The following FBXW11 variants were observed in gnomAD, a reference collection of about 807,000 sequenced individuals.
FBXW11 encodes the protein F-box and WD repeat domain containing 11.
Under a neutral mutation model 77.6 loss-of-function variants are expected in FBXW11, and 19 were observed. The ratio of observed to expected loss-of-function variants is 0.24; its 90% CI spans 0.17 to 0.36. FBXW11 has a LOEUF of 0.36. Ranked by LOEUF, FBXW11 falls within the 10% of genes least tolerant of loss-of-function variation. FBXW11 has a pLI of 1.00. For missense variants in FBXW11, 334 were observed against 704.2 expected, an observed-to-expected ratio of 0.47 and a Z score of 5.95; for synonymous variants, 235 against 249.4, an observed-to-expected ratio of 0.94 and a Z score of 0.54.
intron 1 of FBXW11, among the ~76,000 whole-genome samples, chr5:171,985,052 C>A (rs1765361129): frequency 6.6e-6 from 1 of 152,184 alleles, no homozygotes; most frequent in Non-Finnish European, 1.5e-5. Flanking sequence ...TACAAACACA[C>A]ATATACGCAC....
chr5:171,881,993 T>G (rs1225899928), intron 7 of FBXW11, among the ~76,000 whole-genome samples: 1 of 152,174 alleles, frequency 6.6e-6, no homozygotes, highest in Non-Finnish European at 1.5e-5. Flanking sequence ...AATTATCAAT[T>G]TTACTCATCT....
intron 2 of FBXW11, among the ~76,000 whole-genome samples, chr5:171,949,020 T>C (rs773439667): frequency 6.6e-6 from 1 of 152,250 alleles, no homozygotes; most frequent in Non-Finnish European, 1.5e-5. Context: ...CTTCAAATTC[T>C]CAGATCACCA....
At chr5:171,972,044 C>A (rs1304352526) in intron 1 of FBXW11, among the ~76,000 whole-genome samples, 1 of 150,184 alleles carries the variant, frequency 6.7e-6, no homozygotes, top group Non-Finnish European at 1.5e-5. Flanking sequence ...CCAGCCTGGG[C>A]AACACGGTGA....
intron 2 of FBXW11, 107 bp from the exon 3 acceptor site, chr5:171,914,512 C>G (rs1761104893): frequency 1.1e-6 from 1 of 905,026 alleles, no homozygotes; most frequent in East Asian, 3.1e-5. Context: ...CAATACAAAC[C>G]CAAGAACTAT....
chr5:171,965,798 T>G, intron 1 of FBXW11, among the ~76,000 whole-genome samples: 1 of 152,112 alleles, frequency 6.6e-6, no homozygotes, highest in African/African-American at 2.4e-5. Context: ...TCACAACATA[T>G]TCATGTAGTT....
rs537596775 is a variant in FBXW11 at position 171,943,990 on chromosome 5, A to T, written c.147+13607T>A. ...TATATGATGTATCTCCTGGAAATAT[A>T]TCCTAGCTAATTCAAAATGAAGCCA... On this transcript the variant is annotated intron_variant, in intron 2 of 13. Coordinates refer to ENST00000517395, the MANE Select transcript of FBXW11 (RefSeq NM_001378974.1). 2.6e-5 allele frequency among the ~76,000 whole-genome samples: 4 copies of T among 152,354 alleles called. No homozygotes were observed. In the South Asian group the frequency reaches 6.2e-4, roughly 24 times the overall value.
chr5:171,891,665 A>G, intron 6 of FBXW11, 61 bp from the exon 7 acceptor site: 1 of 1,542,324 alleles, frequency 6.5e-7, no homozygotes, highest in Non-Finnish European at 8.7e-7. Context: ...ATTAGGTTTC[A>G]GACTTTGGCG....
chr5:171,960,083 G>C (rs1258497472), intron 1 of FBXW11, among the ~76,000 whole-genome samples: 1 of 152,030 alleles, frequency 6.6e-6, no homozygotes, highest in African/African-American at 2.4e-5. Flanking sequence ...GAGAGTTTAA[G>C]GACTACACCT....
chr5:172,000,248 T>G lies in FBXW11; in HGVS notation c.45+6210A>C, dbSNP rs533402143. On this transcript the variant is annotated intron_variant, in intron 1 of 13. Coordinates refer to ENST00000517395, the MANE Select transcript of FBXW11 (RefSeq NM_001378974.1). ...CCATCAGCTTTGATGATGGTAAGAATAAGAATTCAAAAACCACAATTTGGT... is the reference window on the plus strand; with the variant it reads ...CCATCAGCTTTGATGATGGTAAGAAGAAGAATTCAAAAACCACAATTTGGT... Among the ~76,000 whole-genome samples, 14 of 152,322 alleles carry G rather than the reference T, an allele frequency of 9.2e-5. No individual in the cohort carries two copies. The East Asian group carries it at 2.7e-3, about 29-fold the overall frequency.
At chr5:171,916,881 T>A (rs745642015) in intron 2 of FBXW11, among the ~76,000 whole-genome samples, 1 of 152,106 alleles carries the variant, frequency 6.6e-6, no homozygotes, top group Non-Finnish European at 1.5e-5. Context: ...GGGATGTATA[T>A]ATGGTTTTGT....
chr5:171,910,751 G>A lies in FBXW11; in HGVS notation c.257C>T (p.Ser86Leu). 6.2e-7 allele frequency: 1 copy of A among 1,612,420 alleles called. No homozygotes were observed. The highest frequency in any genetic ancestry group is 8.5e-7 in the Non-Finnish European group (1 of 1,179,346). Residue 86 changes from serine to leucine, a missense_variant, in exon 4 of 14, where the codon TCA (serine) becomes TTA (leucine). Physicochemically the swap from Ser to Leu is moderately radical, Grantham distance 145. Coordinates refer to ENST00000517395, the MANE Select transcript of FBXW11 (RefSeq NM_001378974.1). ...SSVIVSRKRP[S>L]EGNYQKEKDL... The stretch of plus-strand genomic sequence containing the variant: ...TTTTTCTTTTTGATAGTTTCCTTCT[G>A]ATGGCCTCTTTCTGGAGACGATCAC...
chr5:172,003,582 C>T (rs372296412), intron 1 of FBXW11, among the ~76,000 whole-genome samples: 1 of 152,288 alleles, frequency 6.6e-6, no homozygotes, highest in South Asian at 2.1e-4. Flanking sequence ...CCATTAGTAA[C>T]TGTAAATTCA....
At chr5:171,940,951 C>T (rs1038049507) in intron 2 of FBXW11, among the ~76,000 whole-genome samples, 3 of 150,708 alleles carry the variant, frequency 2.0e-5, no homozygotes, top group Admixed American at 2.0e-4. Flanking sequence ...AACACTCTGA[C>T]CATCGAAATA....
At chr5:171,951,287 C>A (rs1445479504) in intron 2 of FBXW11, among the ~76,000 whole-genome samples, 1 of 151,940 alleles carries the variant, frequency 6.6e-6, no homozygotes, top group East Asian at 1.9e-4. Context: ...GTAATCCCAA[C>A]ACTTTTGGGA....
intron 9 of FBXW11, among the ~76,000 whole-genome samples, chr5:171,874,551 T>C (rs1757950789): frequency 6.6e-6 from 1 of 152,158 alleles, no homozygotes; most frequent in South Asian, 2.1e-4. Context: ...AGCCTGATGC[T>C]ACACACTTCG....
At chr5:171,936,228 C>A (rs1762476496) in intron 2 of FBXW11, among the ~76,000 whole-genome samples, 1 of 151,734 alleles carries the variant, frequency 6.6e-6, no homozygotes, top group African/African-American at 2.4e-5. Context: ...TGCAGTAGCT[C>A]ATGCCTGTAA....
intron 2 of FBXW11, among the ~76,000 whole-genome samples, chr5:171,937,764 G>T (rs1762550299): frequency 6.6e-6 from 1 of 150,554 alleles, no homozygotes; most frequent in African/African-American, 2.5e-5. Flanking sequence ...GGAGGTTGAA[G>T]CTGCAGTGAA....
chr5:171,972,041 G>C (rs1764560168), intron 1 of FBXW11, among the ~76,000 whole-genome samples: 1 of 151,098 alleles, frequency 6.6e-6, no homozygotes, highest in South Asian at 2.1e-4. Context: ...AGACCAGCCT[G>C]GGCAACACGG....
chr5:171,990,754 C>T (rs1765691927), intron 1 of FBXW11, among the ~76,000 whole-genome samples: 2 of 151,980 alleles, frequency 1.3e-5, no homozygotes, highest in African/African-American at 4.8e-5. Flanking sequence ...ACAGGATACA[C>T]GTATGTATAG....
Sources: allele counts gnomAD v4.1 joint callset (sites outside exome capture counted in the v4.1 genomes callset), GRCh38; gene constraint gnomAD v4.1.1; transcripts MANE v1.5; gene names NCBI Gene and HGNC (gene_info 2026-07-23, HGNC 2026-07-21).